The following TOX variants were observed in gnomAD, a reference collection of about 807,000 sequenced individuals.
TOX encodes the protein thymocyte selection associated high mobility group box, also known as thymocyte selection-associated high mobility group box protein TOX.
A neutral mutation model predicts 53.7 loss-of-function variants in TOX; 11 were observed. The observed-to-expected ratio is 0.20, with a 90% confidence interval of 0.13 to 0.34. The LOEUF (loss-of-function observed/expected upper bound fraction) is 0.34, where lower values mean the gene tolerates loss of function less well. Among genes scored for constraint, TOX ranks in the 10% least tolerant of loss-of-function variants. TOX has a pLI of 1.00. For missense variants in TOX, 570 were observed against 664.6 expected, an observed-to-expected ratio of 0.86 and a Z score of 1.56; for synonymous variants, 225 against 245.3, an observed-to-expected ratio of 0.92 and a Z score of 0.77.
At chr8:58,910,648 ATGATT>A (rs1407421414) in intron 3 of TOX, among the ~76,000 whole-genome samples, 1 of 152,254 alleles carries the variant, frequency 6.6e-6, no homozygotes. Context: ...ATTAAAAAGT[ATGATT>A]TGATTTATCA....
intron 5 of TOX, among the ~76,000 whole-genome samples, chr8:58,833,216 G>A (rs1311000530): frequency 6.6e-6 from 1 of 152,092 alleles, no homozygotes; most frequent in Non-Finnish European, 1.5e-5. Context: ...ATGTCTTACA[G>A]CCCGACTGTG....
intron 1 of TOX, among the ~76,000 whole-genome samples, chr8:59,021,710 T>C (rs949243257): frequency 6.6e-6 from 1 of 151,922 alleles, no homozygotes. Flanking sequence ...TAGGCACCTC[T>C]TAAAAATTAC....
chr8:58,941,163 A>C (rs1357794918), intron 2 of TOX, among the ~76,000 whole-genome samples: 1 of 152,228 alleles, frequency 6.6e-6, no homozygotes, highest in Non-Finnish European at 1.5e-5. Context: ...AAGTTTGATG[A>C]AATTCTCACT....
At chr8:58,968,617 A>C (rs573830569) in intron 1 of TOX, among the ~76,000 whole-genome samples, 23 of 152,342 alleles carry the variant, frequency 1.5e-4, no homozygotes, top group African/African-American at 5.0e-4. Flanking sequence ...ATGTGGAATG[A>C]AAAGTATGAA....
intron 1 of TOX, among the ~76,000 whole-genome samples, chr8:59,056,228 C>CA (rs1168519251): frequency 2.0e-5 from 3 of 151,656 alleles, no homozygotes; most frequent in African/African-American, 7.3e-5. Context: ...GAGTTCAAGA[C>CA]CAGCCTGGGC....
At chr8:59,021,772 C>G (rs1295009559) in intron 1 of TOX, among the ~76,000 whole-genome samples, 4 of 151,976 alleles carry the variant, frequency 2.6e-5, no homozygotes, top group African/African-American at 9.7e-5. Context: ...TGCAGAGAAT[C>G]AAAATCATGA....
At chr8:59,051,294 T>G (rs114687998) in intron 1 of TOX, among the ~76,000 whole-genome samples, 1,613 of 152,250 alleles carry the variant, frequency 0.011, 20 homozygotes, top group African/African-American at 0.036. Context: ...AAGCAGTATA[T>G]GGGTTTAAGA....
chr8:59,020,738 C>T lies in TOX; in HGVS notation c.103-60730G>A, dbSNP rs76583019. On this transcript the variant is annotated intron_variant, in intron 1 of 8. Coordinates refer to ENST00000361421, the MANE Select transcript of TOX (RefSeq NM_014729.3). ...CGTGCACATACCATTACATTATGTACCATACTTTTACATTACCATACCCTT... is the reference window on the plus strand; with the variant it reads ...CGTGCACATACCATTACATTATGTATCATACTTTTACATTACCATACCCTT... 1.4e-4 allele frequency among the ~76,000 whole-genome samples: 22 copies of T among 152,148 alleles called. No individual in the cohort carries two copies. The East Asian group carries it at 3.5e-3, about 24-fold the overall frequency.
chr8:58,808,222 A>C lies in TOX; in HGVS notation c.1440T>G (p.Ser480=). The C allele has an allele frequency of 6.2e-7, 1 of 1,614,136 alleles. No individual in the cohort carries two copies. Among genetic ancestry groups the C allele is most frequent in the Non-Finnish European group, 8.5e-7 (1 of 1,179,976 alleles). ...CCTGGGTGACAACTTGTGCAGCTGT[A>C]GATGTAGGATTGATAATAGTCTGAT... ...PDYQTIINPT[S]TAAQVVTQAM... Residue 480 remains serine, a synonymous_variant, in exon 8 of 9, where the codon TCT becomes TCG. Coordinates refer to ENST00000361421, the MANE Select transcript of TOX (RefSeq NM_014729.3).
chr8:59,016,851 T>C (rs1374345124), intron 1 of TOX, among the ~76,000 whole-genome samples: 1 of 152,250 alleles, frequency 6.6e-6, no homozygotes, highest in Non-Finnish European at 1.5e-5. Flanking sequence ...TGTCCTAAGA[T>C]ACTGAGTTTT....
Position 59,117,674 on chromosome 8 carries a change from C to A in TOX, c.102+1212G>T, listed in dbSNP as rs1420516966. 2.0e-5 allele frequency among the ~76,000 whole-genome samples: 3 copies of A among 152,210 alleles called. No homozygotes were observed. Among genetic ancestry groups the A allele is most frequent in the Non-Finnish European group, 4.4e-5 (3 of 68,036 alleles). ...GTAAAAAAGCCGTTTGGTGATGACT[C>A]GCCACCAGGCAAATGTTGGGAGTCC... is the stretch of plus-strand genomic sequence containing the variant. On this transcript the variant is annotated intron_variant, in intron 1 of 8. Transcript: ENST00000361421. The surrounding 1 kb of genome is among the most constrained non-coding windows in gnomAD (Gnocchi z 4.6).
intron 1 of TOX, among the ~76,000 whole-genome samples, chr8:59,060,379 G>A (rs778654390): frequency 6.6e-6 from 1 of 152,214 alleles, no homozygotes; most frequent in Non-Finnish European, 1.5e-5. Context: ...CGTAATCCTG[G>A]CACTTTGGGA....
chr8:59,023,234 A>C (rs1814169218), intron 1 of TOX, among the ~76,000 whole-genome samples: 1 of 139,774 alleles, frequency 7.2e-6, no homozygotes, highest in Admixed American at 7.4e-5. Context: ...TTATGAATCC[A>C]GTTTAGTACA....
chr8:58,823,028 A>G (rs1332461973), intron 6 of TOX, among the ~76,000 whole-genome samples: 2 of 152,216 alleles, frequency 1.3e-5, no homozygotes, highest in African/African-American at 4.8e-5. Context: ...GACGGATGCC[A>G]TGTATATTTT....
chr8:58,975,986 C>A (rs747340520), intron 1 of TOX, among the ~76,000 whole-genome samples: 1 of 151,988 alleles, frequency 6.6e-6, no homozygotes, highest in Admixed American at 6.6e-5. Context: ...GCAAGAGAAT[C>A]GCTTGAACCT....
intron 2 of TOX, among the ~76,000 whole-genome samples, chr8:58,943,266 G>A (rs939569487): frequency 5.3e-5 from 8 of 152,270 alleles, no homozygotes; most frequent in Admixed American, 1.3e-4. Flanking sequence ...GACTGCTGGG[G>A]CACGTGAAGG....
At chr8:59,026,196 T>A (rs1814234963) in intron 1 of TOX, among the ~76,000 whole-genome samples, 1 of 151,968 alleles carries the variant, frequency 6.6e-6, no homozygotes, top group African/African-American at 2.4e-5. Context: ...AACTGCACAA[T>A]AACCGTGTAC....
intron 4 of TOX, among the ~76,000 whole-genome samples, chr8:58,848,660 G>A (rs2129167917): frequency 6.6e-6 from 1 of 152,172 alleles, no homozygotes; most frequent in South Asian, 2.1e-4. Flanking sequence ...AGAACCACAA[G>A]CTGCCTAAGT....
chr8:59,049,152 A>G (rs1276669553), intron 1 of TOX, among the ~76,000 whole-genome samples: 2 of 152,158 alleles, frequency 1.3e-5, no homozygotes, highest in African/African-American at 2.4e-5. Context: ...TGCACGCTTA[A>G]AACATCTGAA....
Sources: gnomAD v4.1 joint callset for allele counts (sites outside exome capture counted in the v4.1 genomes callset) on GRCh38, gnomAD v4.1.1 for gene constraint, Gnocchi (gnomAD v3.1) non-coding constraint, MANE v1.5 for transcripts, NCBI Gene and HGNC (gene_info 2026-07-23, HGNC 2026-07-21) for gene names.